The following ZNF888 variants were observed in gnomAD, a reference collection of about 807,000 sequenced individuals.
The protein encoded by ZNF888 is zinc finger protein 888.
ZNF888 carries 5 observed loss-of-function variants against 7.2 expected under a neutral mutation model. That is an observed-to-expected ratio of 0.70 (90% confidence interval 0.36 to 1.46). ZNF888 has a LOEUF of 1.46. Among genes scored for constraint, ZNF888 ranks in the 40% most tolerant of loss-of-function variants. The pLI is 0.03. For missense variants in ZNF888, 716 were observed against 858.0 expected (o/e 0.83, Z 2.07); for synonymous variants, 240 against 284.3 (o/e 0.84, Z 1.57).
At position 52,906,792 on chromosome 19, in the gene ZNF888, T is replaced by G; in HGVS notation, c.1530A>C (p.Ala510=). Residue 510 remains alanine (A), a synonymous_variant, in exon 5 of 5, where the codon GCA becomes GCC. Transcript: ENST00000638862. ...DKAFRRDSHL[A]QHTVIHTGEK... Reference sequence around the variant, plus strand: ...CTCCAGTGTGAATTACAGTATGTTGTGCCAGGTGTGAATCACGTCTGAAAG... The same window carrying G: ...CTCCAGTGTGAATTACAGTATGTTGGGCCAGGTGTGAATCACGTCTGAAAG... 6.2e-7 allele frequency: 1 copy of G among 1,611,834 alleles called. No individual in the cohort carries two copies. The highest frequency in any genetic ancestry group is 1.1e-5 in the South Asian group (1 of 91,074).
At chr19:52,922,353 C>T (rs1028294935) in intron 1 of ZNF888, among the ~76,000 whole-genome samples, 1 of 152,028 alleles carries the variant, frequency 6.6e-6, no homozygotes, top group Non-Finnish European at 1.5e-5. Context: ...TCCCAGGTGT[C>T]CTCCCTGCTG....
rs2064597707 is a variant in ZNF888 at position 52,905,555 on chromosome 19, T to C, written c.*610A>G. On this transcript the variant is annotated 3_prime_UTR_variant, in exon 5 of 5. Transcript: ENST00000638862. ...GTCTCAAACTCCTGACCTCAAGAGA[T>C]CCACCCACCTTGGCCTCCCACAGTG... 1 of 243,190 alleles carries C rather than the reference T, an allele frequency of 4.1e-6. No individual in the cohort carries two copies. Among genetic ancestry groups the C allele is most frequent in the South Asian group, 4.9e-5 (1 of 20,408 alleles). The allele number at this position is 243,190 out of a possible 1,614,324, so 15.1% of individuals were successfully genotyped here. A position where few individuals can be genotyped will look rare whatever the true frequency, so the allele number is the denominator to read the frequency against.
At chr19:52,916,548 ATG>A (rs984057173) in intron 3 of ZNF888, among the ~76,000 whole-genome samples, 39 of 149,736 alleles carry the variant, frequency 2.6e-4, no homozygotes, top group Admixed American at 1.0e-3. Context: ...ATGTGTGGGG[ATG>A]TGTGTATATA....
Position 52,908,013 on chromosome 19 carries a change from A to G in ZNF888, c.309T>C (p.Asp103=). 5.0e-6 allele frequency: 8 copies of G among 1,614,080 alleles called. No individual in the cohort carries two copies. The highest frequency in any genetic ancestry group is 6.8e-6 in the Non-Finnish European group (8 of 1,180,006). Reference sequence around the variant, plus strand: ...TGGGTGCTTCATGGCCATTTGTTTCATCTTCTTGCCACTGAAACACAAAGT... The same window carrying G: ...TGGGTGCTTCATGGCCATTTGTTTCGTCTTCTTGCCACTGAAACACAAAGT... ...IHDFVFQWQE[D]ETNGHEAPMT... is the part of the protein sequence containing the mutation. Residue 103 remains aspartate (D), a synonymous_variant, in exon 5 of 5, where the codon GAT becomes GAC. Coordinates refer to ENST00000638862, the MANE Select transcript of ZNF888 (RefSeq NM_001393938.1).
intron 1 of ZNF888, among the ~76,000 whole-genome samples, chr19:52,921,164 G>A (rs2044295834): frequency 1.3e-5 from 2 of 152,184 alleles, no homozygotes; most frequent in African/African-American, 4.8e-5. Context: ...ACCTGAGACA[G>A]GAAGTATTTT....
At chr19:52,919,539 C>T (rs1307569704) in intron 1 of ZNF888, among the ~76,000 whole-genome samples, 993 of 71,520 alleles carry the variant, frequency 0.014, 304 homozygotes, top group African/African-American at 0.039. Context: ...CTGCCTTGGC[C>T]CCCCAAAGTG....
In ZNF888 at chr19:52,904,534, A is replaced by T. The variant is rs1035998836; in HGVS notation, c.*1631T>A. 6.6e-6 allele frequency: 1 copy of T among 152,222 alleles called. No individual in the cohort carries two copies. The highest frequency in any genetic ancestry group is 2.4e-5 in the African/African-American group (1 of 41,456). 9.4% of individuals were successfully genotyped at this position (152,222 alleles called of 1,614,324 possible). ...GGGCTCACAACACTAAGGATTTCAC[A>T]TGAAACGGTCGTGATTGATTTGAGC... On this transcript the variant is annotated 3_prime_UTR_variant, in exon 5 of 5. Transcript: ENST00000638862.
At chr19:52,915,820 T>C (rs896652425) in intron 3 of ZNF888, among the ~76,000 whole-genome samples, 8 of 152,266 alleles carry the variant, frequency 5.3e-5, no homozygotes, top group African/African-American at 1.4e-4. Flanking sequence ...CAAGACACCC[T>C]GTCAGTATGA....
Position 52,906,255 on chromosome 19 carries a change from A to T in ZNF888, c.2067T>A (p.Pro689=). 1 of 1,611,658 alleles carries T rather than the reference A, an allele frequency of 6.2e-7. No individual in the cohort carries two copies. The highest frequency in any genetic ancestry group is 2.2e-5 in the East Asian group (1 of 44,858). Residue 689 remains proline, a synonymous_variant, in exon 5 of 5, where the codon CCT becomes CCA. Transcript: ENST00000638862. ...CTTTGCCACACTCACTACACTTGAA[A>T]GGTTTCTCTCCAGTATGAATTCTAG... ...QHTRIHTGEK[P]FKCSECGKAF...
chr19:52,910,521 T>TCAAGCTTTC (rs1459159570), intron 4 of ZNF888, among the ~76,000 whole-genome samples: 1 of 152,194 alleles, frequency 6.6e-6, no homozygotes, highest in Non-Finnish European at 1.5e-5. Flanking sequence ...GTAGATGTGG[T>TCAAGCTTTC]ATTCTCTAAT....
rs578239873 is a variant in ZNF888 at position 52,907,593 on chromosome 19, T to C, written c.729A>G (p.Lys243=). The change falls in exon 5 of 5, where the codon AAA becomes AAG. Residue 243 remains lysine, a synonymous_variant. Coordinates refer to ENST00000638862, the MANE Select transcript of ZNF888 (RefSeq NM_001393938.1). ...TAAAGTCTTTGCCACATACATCACA[T>C]TTATATTGTTTCTCTCCTAGATGAA... is the stretch of plus-strand genomic sequence containing the variant. ...QIIHLGEKQY[K]CDVCGKDFNQ... is the part of the protein sequence containing the mutation. 20 of 1,605,836 alleles carry C rather than the reference T, an allele frequency of 1.2e-5. No homozygotes were observed. In the African/African-American group the frequency reaches 2.5e-4, roughly 20 times the overall value.
Position 52,915,277 on chromosome 19 carries a change from C to A in ZNF888, c.61G>T (p.Glu21Ter), listed in dbSNP as rs1168096513. Residue 21 changes from glutamate (E) to a stop codon, truncating the protein, a stop_gained, in exon 4 of 5, where the codon GAG (glutamate) becomes TAG (stop). Transcript: ENST00000638862. LOFTEE classifies it high-confidence loss of function. ...RDVAIEFSQEEWKCLDPAQRT... is the reference protein window; with the variant it reads ...RDVAIEFSQE The stretch of plus-strand genomic sequence containing the variant: ...TGAGCAGGGTCCAGGCATTTCCACT[C>A]CTCCTGAGAGAATTCTATGGCCACA... The A allele has an allele frequency of 6.2e-7, 1 of 1,613,488 alleles. No individual in the cohort carries two copies. Among genetic ancestry groups the A allele is most frequent in the South Asian group, 1.1e-5 (1 of 91,062 alleles).
intron 1 of ZNF888, among the ~76,000 whole-genome samples, chr19:52,919,706 G>C (rs551204834): frequency 1.6e-5 from 1 of 61,928 alleles, no homozygotes; most frequent in Non-Finnish European, 3.8e-5. Context: ...TCCCATCTAG[G>C]AAGTGAGGAG....
intron 1 of ZNF888, among the ~76,000 whole-genome samples, chr19:52,920,489 C>CAAAA (rs1191621530): frequency 1.5e-4 from 1 of 6,868 alleles, no homozygotes; most frequent in Non-Finnish European, 3.1e-4. Context: ...TGCTTGAAGG[C>CAAAA]AAAAAAAAAA....
At position 52,912,261 on chromosome 19, in the gene ZNF888, C is replaced by G. The variant is rs538224354; in HGVS notation, c.142+2935G>C. Among the ~76,000 whole-genome samples, 16 of 150,670 alleles carry G rather than the reference C, an allele frequency of 1.1e-4. No homozygotes were observed. In the South Asian group the frequency reaches 3.3e-3, roughly 32 times the overall value. On this transcript the variant is annotated intron_variant, in intron 4 of 4. Coordinates refer to ENST00000638862, the MANE Select transcript of ZNF888 (RefSeq NM_001393938.1). The stretch of plus-strand genomic sequence containing the variant: ...CCCGAGTAGCTGGGACTACAGGCAC[C>G]TGCCACCGCGCCCGGCTAATTTTTT...
At chr19:52,918,388 A>T in intron 2 of ZNF888, 1 of 176,116 alleles carries the variant, frequency 5.7e-6, no homozygotes, top group Non-Finnish European at 1.1e-5. Flanking sequence ...CACCCCAGCT[A>T]CTTAGGAAGC....
chr19:52,917,559 C>CA (rs11437452), intron 3 of ZNF888, among the ~76,000 whole-genome samples: 103,597 of 151,940 alleles, frequency 0.68, 35,886 homozygotes, highest in Admixed American at 0.75. Flanking sequence ...CAGATGCGGC[C>CA]CTGAACAATC....
rs2064625187 is a variant in ZNF888 at position 52,907,538 on chromosome 19, T to G, written c.784A>C (p.Arg262=). The G allele has an allele frequency of 1.2e-6, 2 of 1,609,522 alleles. No homozygotes were observed. Among genetic ancestry groups the G allele is most frequent in the Non-Finnish European group, 1.7e-6 (2 of 1,178,228 alleles). Residue 262 remains arginine, a synonymous_variant, in exon 5 of 5, where the codon AGA becomes CGA. Coordinates refer to ENST00000638862, the MANE Select transcript of ZNF888 (RefSeq NM_001393938.1). ...NQKRYLAHHR[R]CHTGEKPYMC... ...TAAGGTTTCTCACCAGTGTGACATC[T>G]ACGATGGTGTGCAAGGTATCGCTTC...
In ZNF888 at chr19:52,923,392, A is replaced by ACGCGATCCGCTTCCTGGTCCGGGCG; in HGVS notation, c.-226_-202dup. The ACGCGATCCGCTTCCTGGTCCGGGCG allele has an allele frequency of 2.0e-6, 2 of 986,010 alleles. No homozygotes were observed. Among genetic ancestry groups the ACGCGATCCGCTTCCTGGTCCGGGCG allele is most frequent in the Non-Finnish European group, 2.4e-6 (2 of 830,052 alleles). The allele number at this position is 986,010 out of a possible 1,614,324, so 61.1% of individuals were successfully genotyped here. A position where few individuals can be genotyped will look rare whatever the true frequency, so the allele number is the denominator to read the frequency against. Reference sequence around the variant, plus strand: ...ACCGCCGCAGTGTGACTTCCAGTCCACGCGATCCGCTTCCTGGTCCGGGCG... The same window carrying ACGCGATCCGCTTCCTGGTCCGGGCG: ...ACCGCCGCAGTGTGACTTCCAGTCCACGCGATCCGCTTCCTGGTCCGGGCGCGCGATCCGCTTCCTGGTCCGGGCG... On this transcript the variant is annotated 5_prime_UTR_variant, in exon 1 of 5. Transcript: ENST00000638862.
Sources: allele counts gnomAD v4.1 joint callset (sites outside exome capture counted in the v4.1 genomes callset), GRCh38; gene constraint gnomAD v4.1.1; transcripts MANE v1.5; gene names NCBI Gene and HGNC (gene_info 2026-07-23, HGNC 2026-07-21).